ACER3: variants seen among roughly 807,000 people sequenced by gnomAD.
ACER3 encodes alkCDase 3.
A neutral mutation model predicts 48.9 loss-of-function variants in ACER3; 16 were observed. The ratio of observed to expected loss-of-function variants is 0.33; its 90% CI spans 0.22 to 0.50. The LOEUF (loss-of-function observed/expected upper bound fraction) is 0.50. ACER3 is among the 20% of genes least tolerant of loss of function. The pLI is 0.98. For missense variants in ACER3, 227 were observed against 326.0 expected, an observed-to-expected ratio of 0.70 and a Z score of 2.34; for synonymous variants, 109 against 107.8, an observed-to-expected ratio of 1.01 and a Z score of -0.07.
intron 1 of ACER3, among the ~76,000 whole-genome samples, chr11:76,874,075 C>A (rs1282468744): frequency 1.3e-5 from 2 of 151,938 alleles, no homozygotes; most frequent in Admixed American, 6.6e-5. Context: ...ATGATAGATC[C>A]AAAAGGGACA....
chr11:77,011,251 G>T, intron 7 of ACER3: 1 of 808,638 alleles, frequency 1.2e-6, no homozygotes, highest in Non-Finnish European at 1.5e-6. Context: ...AGCCTTGCAT[G>T]GACCATGTGC....
intron 1 of ACER3, among the ~76,000 whole-genome samples, chr11:76,880,067 T>C (rs1945484270): frequency 6.6e-6 from 1 of 152,204 alleles, no homozygotes. Context: ...AATTTGTATA[T>C]TCTCTCTTTT....
intron 1 of ACER3, among the ~76,000 whole-genome samples, chr11:76,864,206 A>G (rs1945014582): frequency 6.6e-6 from 1 of 152,212 alleles, no homozygotes; most frequent in African/African-American, 2.4e-5. Context: ...AGCATATTGT[A>G]AAGACCAGAG....
At chr11:76,873,037 G>A (rs548167837) in intron 1 of ACER3, among the ~76,000 whole-genome samples, 23 of 148,608 alleles carry the variant, frequency 1.5e-4, no homozygotes, top group Middle Eastern at 3.6e-3. Context: ...TCAGACTCCC[G>A]AATAGCTAGC....
chr11:77,011,473 C>T (rs1049315128), intron 7 of ACER3: 19 of 734,192 alleles, frequency 2.6e-5, no homozygotes, highest in Non-Finnish European at 3.2e-5. Flanking sequence ...CAGAAGCCTT[C>T]ACTGTGTTGA....
rs79383857 is a variant in ACER3, at chr11:76,903,655, G to T, written c.104-22902G>T. 2.5e-3 allele frequency among the ~76,000 whole-genome samples: 382 copies of T among 152,074 alleles called. 2 individuals carry two copies. The highest frequency in any genetic ancestry group is 8.8e-3 in the African/African-American group (365 of 41,512). Reference sequence around the variant, plus strand: ...AAAGACTGACAACCAGATTCTTTTTGCAATAAGATACCCAACTCCAACCTG... The same window carrying T: ...AAAGACTGACAACCAGATTCTTTTTTCAATAAGATACCCAACTCCAACCTG... On this transcript the variant is annotated intron_variant, in intron 1 of 10. Coordinates refer to ENST00000532485, the MANE Select transcript of ACER3 (RefSeq NM_018367.7).
At chr11:76,978,041 C>T (rs967173057) in intron 4 of ACER3, among the ~76,000 whole-genome samples, 3 of 152,184 alleles carry the variant, frequency 2.0e-5, no homozygotes, top group Non-Finnish European at 4.4e-5. Context: ...CACTGACAAG[C>T]ATGGGAGGGA....
rs151109387 is a variant in ACER3, at chr11:76,947,072, C to T, written c.215-11907C>T. 1.5e-3 allele frequency among the ~76,000 whole-genome samples: 229 copies of T among 152,278 alleles called. 1 individual carries two copies. Among genetic ancestry groups the T allele is most frequent in the African/African-American group, 4.9e-3 (202 of 41,546 alleles). On this transcript the variant is annotated intron_variant, in intron 2 of 10. Coordinates refer to ENST00000532485, the MANE Select transcript of ACER3 (RefSeq NM_018367.7). The stretch of plus-strand genomic sequence containing the variant: ...TTGGTGCATCTTGTCACTTCTATGG[C>T]GAATCCTAGTGTTCTCTCCTAGACA...
At chr11:76,997,422 T>C (rs931686778) in intron 6 of ACER3, among the ~76,000 whole-genome samples, 6 of 152,204 alleles carry the variant, frequency 3.9e-5, no homozygotes, top group Non-Finnish European at 7.3e-5. Flanking sequence ...GGATTATGCC[T>C]TTCTTGTTCA....
At chr11:76,938,724 A>T (rs1246282932) in intron 2 of ACER3, among the ~76,000 whole-genome samples, 1 of 152,178 alleles carries the variant, frequency 6.6e-6, no homozygotes, top group Admixed American at 6.5e-5. Flanking sequence ...GTGGTACTGG[A>T]TTGGAGTTAG....
At chr11:76,960,994 A>C (rs771480043) in intron 3 of ACER3, among the ~76,000 whole-genome samples, 1 of 152,104 alleles carries the variant, frequency 6.6e-6, no homozygotes, top group Non-Finnish European at 1.5e-5. Flanking sequence ...GGCCCAGTGC[A>C]GGATCTGAGA....
intron 3 of ACER3, among the ~76,000 whole-genome samples, chr11:76,962,067 G>T (rs1948008436): frequency 6.7e-6 from 1 of 150,274 alleles, no homozygotes; most frequent in Non-Finnish European, 1.5e-5. Context: ...ATTATTTTTT[G>T]AGATGGAGTT....
chr11:76,923,279 A>G (rs1208054463), intron 1 of ACER3, among the ~76,000 whole-genome samples: 1 of 152,214 alleles, frequency 6.6e-6, no homozygotes, highest in East Asian at 1.9e-4. Context: ...CAAGATAGTA[A>G]CATATCCTTC....
At chr11:76,906,064 C>CT (rs1294692963) in intron 1 of ACER3, among the ~76,000 whole-genome samples, 18 of 152,202 alleles carry the variant, frequency 1.2e-4, no homozygotes, top group African/African-American at 4.3e-4. Context: ...CACAGGCTGG[C>CT]TGCCTTCGCT....
At chr11:76,962,060 AT>A (rs1341161842) in intron 3 of ACER3, among the ~76,000 whole-genome samples, 2 of 150,092 alleles carry the variant, frequency 1.3e-5, no homozygotes, top group Non-Finnish European at 2.9e-5. Flanking sequence ...TATTATTATT[AT>A]TTTTTGAGAT....
chr11:76,952,603 A>AAAG (rs1947708198), intron 2 of ACER3, among the ~76,000 whole-genome samples: 1 of 151,948 alleles, frequency 6.6e-6, no homozygotes, highest in Admixed American at 6.6e-5. Flanking sequence ...AATTACTTCA[A>AAAG]AAGAAAAAAC....
intron 2 of ACER3, among the ~76,000 whole-genome samples, chr11:76,952,483 C>T (rs758271471): frequency 2.0e-5 from 3 of 151,836 alleles, no homozygotes; most frequent in Non-Finnish European, 4.4e-5. Flanking sequence ...TGGTCTCGAA[C>T]TCCTGACCTC....
In ACER3 at chr11:77,025,405, TA is replaced by T. The variant is rs1949535985; in HGVS notation, c.*5079del. 6.9e-6 allele frequency: 1 copy of T among 144,556 alleles called. No individual in the cohort carries two copies. Among genetic ancestry groups the T allele is most frequent in the African/African-American group, 2.6e-5 (1 of 38,340 alleles). 9.0% of individuals were successfully genotyped at this position (144,556 alleles called of 1,614,324 possible). Reference sequence around the variant, plus strand: ...TTATTTTATTCTTTATATATATATATATATATTTATTTATTTTTTTGAGACA... The same window carrying T: ...TTATTTTATTCTTTATATATATATATTATATTTATTTATTTTTTTGAGACA... On this transcript the variant is annotated 3_prime_UTR_variant, in exon 11 of 11. Coordinates refer to ENST00000532485, the MANE Select transcript of ACER3 (RefSeq NM_018367.7).
chr11:76,990,750 G>T (rs1331873537), intron 6 of ACER3, among the ~76,000 whole-genome samples, 176 bp downstream of exon 6: 1 of 152,202 alleles, frequency 6.6e-6, no homozygotes, highest in African/African-American at 2.4e-5. Flanking sequence ...CAGGAGTCAA[G>T]TGTAGGTAAC....
Sources: allele counts gnomAD v4.1 joint callset (sites outside exome capture counted in the v4.1 genomes callset), GRCh38; gene constraint gnomAD v4.1.1; transcripts MANE v1.5; gene names NCBI Gene and HGNC (gene_info 2026-07-23, HGNC 2026-07-21).